NR5A2: variants seen among roughly 807,000 people sequenced by gnomAD.
The protein encoded by NR5A2 is CYP7A promoter-binding factor.
In NR5A2, 26 loss-of-function variants were observed where a neutral mutation model predicts 62.7. The ratio of observed to expected loss-of-function variants is 0.41; its 90% confidence interval spans 0.30 to 0.58. NR5A2 has a LOEUF of 0.58. NR5A2 is among the 20% of genes least tolerant of loss of function. The pLI is 0.22. For synonymous variants in NR5A2, 246 were observed against 241.7 expected, an observed-to-expected ratio of 1.02 and a Z score of -0.16; for missense variants, 541 against 669.1, an observed-to-expected ratio of 0.81 and a Z score of 2.11.
intron 7 of NR5A2, among the ~76,000 whole-genome samples, chr1:200,173,652 A>T (rs999538074): frequency 6.6e-6 from 1 of 152,198 alleles, no homozygotes. Context: ...ATATATTAAG[A>T]TCCCTCTACT....
intron 7 of NR5A2, among the ~76,000 whole-genome samples, chr1:200,163,280 A>G (rs1325036155): frequency 1.4e-5 from 2 of 147,984 alleles, no homozygotes; most frequent in East Asian, 3.9e-4. Context: ...AAAAAAAAAA[A>G]GAAGAAGAAA....
chr1:200,142,034 TCA>T (rs957365341), intron 7 of NR5A2, among the ~76,000 whole-genome samples: 1 of 152,146 alleles, frequency 6.6e-6, no homozygotes, highest in Non-Finnish European at 1.5e-5. Flanking sequence ...TGTTGGAGCC[TCA>T]CAGTCTACTG....
At chr1:200,058,541 C>T (rs1024146349) in intron 5 of NR5A2, 5 of 151,750 alleles carry the variant, frequency 3.3e-5, no homozygotes, top group Admixed American at 1.3e-4. Context: ...AATGCAGTGT[C>T]GCAATCTCAG....
intron 5 of NR5A2, among the ~76,000 whole-genome samples, chr1:200,065,948 G>A (rs1252328170): frequency 3.9e-5 from 6 of 152,300 alleles, no homozygotes; most frequent in African/African-American, 1.4e-4. Context: ...GATTGTGGGG[G>A]AAATAGGGCT....
chr1:200,145,180 C>T (rs747223942), intron 7 of NR5A2, among the ~76,000 whole-genome samples: 1 of 152,082 alleles, frequency 6.6e-6, no homozygotes, highest in Admixed American at 6.5e-5. Context: ...CGTGGTGTCA[C>T]GTGTCTGTAG....
intron 7 of NR5A2, among the ~76,000 whole-genome samples, chr1:200,127,639 T>G (rs1348802693): frequency 7.8e-6 from 1 of 128,524 alleles, no homozygotes; most frequent in Non-Finnish European, 1.6e-5. Flanking sequence ...ATTGTGCCAT[T>G]GCACTCCAGC....
chr1:200,173,389 C>T (rs1250974930), intron 7 of NR5A2, among the ~76,000 whole-genome samples: 6 of 152,152 alleles, frequency 3.9e-5, no homozygotes, highest in Non-Finnish European at 5.9e-5. Context: ...TTCCCAGTAG[C>T]GAATATTCTG....
At chr1:200,099,749 A>C (rs576125253) in intron 5 of NR5A2, among the ~76,000 whole-genome samples, 2 of 152,252 alleles carry the variant, frequency 1.3e-5, no homozygotes, top group African/African-American at 4.8e-5. Flanking sequence ...ACGTGCCACC[A>C]TGCCCGGCTA....
chr1:200,111,179 GTTTGTTTC>G lies in NR5A2; in HGVS notation c.1111-21_1111-14del. 1 of 1,593,398 alleles carries G rather than the reference GTTTGTTTC, an allele frequency of 6.3e-7. No homozygotes were observed. The highest frequency in any genetic ancestry group is 1.2e-5 in the South Asian group (1 of 86,528). The stretch of plus-strand genomic sequence containing the variant: ...GTGTCATTTTTTGTTTTTTTTGTTT[GTTTGTTTC>G]TATTTCTTTTGCAGGTTGATGACCA... On this transcript the variant is annotated splice_polypyrimidine_tract_variant and intron_variant, in intron 5 of 7. Coordinates refer to ENST00000367362, the MANE Select transcript of NR5A2 (RefSeq NM_205860.3).
intron 7 of NR5A2, among the ~76,000 whole-genome samples, chr1:200,153,320 T>C (rs1653222320): frequency 6.6e-6 from 1 of 152,218 alleles, no homozygotes; most frequent in Non-Finnish European, 1.5e-5. Context: ...TTTTTTCACA[T>C]AGTTAAAAAG....
chr1:200,074,110 A>G (rs1663886470), intron 5 of NR5A2, among the ~76,000 whole-genome samples: 1 of 152,180 alleles, frequency 6.6e-6, no homozygotes, highest in South Asian at 2.1e-4. Flanking sequence ...TGACATAATA[A>G]AAGTATGCTA....
chr1:200,041,773 G>A (rs1483277247), intron 2 of NR5A2, among the ~76,000 whole-genome samples: 1 of 152,182 alleles, frequency 6.6e-6, no homozygotes, highest in East Asian at 1.9e-4. Flanking sequence ...TCCCTACTCA[G>A]CCTCTGTCTT....
rs371156615 is a variant in NR5A2, at chr1:200,163,820, G to GCTTA, written c.1379-10143_1379-10142insCTTA. 2.9e-3 allele frequency among the ~76,000 whole-genome samples: 441 copies of GCTTA among 152,172 alleles called. 1 individual carries two copies. The highest frequency in any genetic ancestry group is 0.01 in the African/African-American group (420 of 41,516). On this transcript the variant is annotated intron_variant, in intron 7 of 7. Coordinates refer to ENST00000367362, the MANE Select transcript of NR5A2 (RefSeq NM_205860.3). ...TTAGACAAATGTATGCATAATGTAAGGTCAGTCATGAACAAGCAATAATAA... is the reference window on the plus strand; with the variant it reads ...TTAGACAAATGTATGCATAATGTAAGCTTAGTCAGTCATGAACAAGCAATAATAA...
chr1:200,096,317 A>T (rs1396554048), intron 5 of NR5A2, among the ~76,000 whole-genome samples: 1 of 151,872 alleles, frequency 6.6e-6, no homozygotes, highest in Admixed American at 6.6e-5. Flanking sequence ...TGAACTCCTG[A>T]CCTCAGGTGA....
Position 200,039,813 on chromosome 1 carries a change from G to A in NR5A2, c.202+18G>A, listed in dbSNP as rs113762480. The A allele has an allele frequency of 1.9e-6, 3 of 1,585,858 alleles. No homozygotes were observed. In the South Asian group the frequency reaches 3.4e-5, roughly 18 times the overall value. On this transcript the variant is annotated intron_variant, in intron 2 of 7. Coordinates refer to ENST00000367362, the MANE Select transcript of NR5A2 (RefSeq NM_205860.3). This position sits in a 1 kb window ranked among gnomAD's most constrained non-coding sequence, Gnocchi z 5.1. ...CATGCAAGGTAAGGAGGCGCCGCGC[G>A]GCGCTCCGGCTCCCGCTGCTTCCCC...
At chr1:200,168,767 G>A (rs949133722) in intron 7 of NR5A2, among the ~76,000 whole-genome samples, 8 of 152,090 alleles carry the variant, frequency 5.3e-5, no homozygotes, top group Admixed American at 1.3e-4. Flanking sequence ...AACTTTGTTC[G>A]TATGAAAAGA....
At chr1:200,126,272 T>A (rs1014166145) in intron 7 of NR5A2, among the ~76,000 whole-genome samples, 2 of 152,186 alleles carry the variant, frequency 1.3e-5, no homozygotes, top group Admixed American at 6.6e-5. Context: ...CCAAACAAAG[T>A]TGGGGGCAGG....
chr1:200,041,811 C>G (rs1418242605), intron 2 of NR5A2, among the ~76,000 whole-genome samples: 3 of 152,196 alleles, frequency 2.0e-5, no homozygotes, highest in African/African-American at 4.8e-5. Flanking sequence ...GTCTCTACCT[C>G]ATGCCTCGGT....
At chr1:200,165,880 TAAG>T (rs1182515205) in intron 7 of NR5A2, among the ~76,000 whole-genome samples, 4 of 152,258 alleles carry the variant, frequency 2.6e-5, no homozygotes, top group Admixed American at 6.5e-5. Flanking sequence ...TCAGTAGTGT[TAAG>T]TTCATTTGCA....
Sources: gnomAD v4.1 joint callset for allele counts (sites outside exome capture counted in the v4.1 genomes callset) on GRCh38, gnomAD v4.1.1 for gene constraint, Gnocchi (gnomAD v3.1) non-coding constraint, MANE v1.5 for transcripts, NCBI Gene and HGNC (gene_info 2026-07-23, HGNC 2026-07-21) for gene names.